Variants in ASB16 observed in about 807,000 individuals in gnomAD.
ASB16 encodes the protein ankyrin repeat and SOCS box protein 16.
In ASB16, 44 loss-of-function variants were observed where a neutral mutation model predicts 39.1. The observed-to-expected ratio is 1.13, with a 90% confidence interval of 0.88 to 1.45. ASB16 has a LOEUF of 1.45. Ranked by LOEUF, ASB16 falls within the 40% of genes most tolerant of loss-of-function variation. ASB16 has a pLI of 0.00. For synonymous variants in ASB16, 305 were observed against 286.7 expected (o/e 1.06, Z -0.64); for missense variants, 698 against 634.5 (o/e 1.10, Z -1.07).
chr17:44,176,737 G>C lies in ASB16; in HGVS notation c.570-1G>C, dbSNP rs1321349632. On this transcript the variant is annotated splice_acceptor_variant, in intron 2 of 4. Transcript: ENST00000293414. LOFTEE classifies it high-confidence loss of function. ...TCAGGACCTTGCTCTCTTGTCCCCA[G>C]GTGCGCCAAGTTGCTGCTGGAAGCA... 1 of 1,613,840 alleles carries C rather than the reference G, an allele frequency of 6.2e-7. No homozygotes were observed. The highest frequency in any genetic ancestry group is 1.3e-5 in the African/African-American group (1 of 74,854).
intron 2 of ASB16, among the ~76,000 whole-genome samples, chr17:44,173,844 G>A (rs563903224): frequency 7.2e-5 from 11 of 152,010 alleles, no homozygotes; most frequent in Non-Finnish European, 1.6e-4. Context: ...GTATGGGGGT[G>A]CCTCACACCG....
In ASB16 at chr17:44,178,226, T is replaced by C. The variant is rs1275743563; in HGVS notation, c.1198T>C (p.Ser400Pro). The change falls in exon 5 of 5, where the codon TCG becomes CCG. Residue 400 changes from serine to proline, a missense_variant. Ser to Pro is a moderately conservative substitution (Grantham distance 74). Transcript: ENST00000293414. The part of the protein sequence containing the change: ...LWKEHEAFYS[S>P]ALCMVNQPRQ... ...CTAGGAGCACGAAGCCTTCTACAGC[T>C]CGGCCCTGTGCATGGTGAACCAGCC... The C allele has an allele frequency of 6.2e-7, 1 of 1,613,364 alleles. No homozygotes were observed.
At chr17:44,172,349 A>ATGTGTGTG (rs10628218) in intron 2 of ASB16, 36 bp downstream of exon 2, 1 of 1,569,720 alleles carries the variant, frequency 6.4e-7, no homozygotes, top group Non-Finnish European at 8.6e-7. Flanking sequence ...TTGGGGAGAA[A>ATGTGTGTG]TGTGTGTGTG....
At chr17:44,175,796 C>A (rs2054282947) in intron 2 of ASB16, among the ~76,000 whole-genome samples, 1 of 152,174 alleles carries the variant, frequency 6.6e-6, no homozygotes, top group South Asian at 2.1e-4. Context: ...AACTGGGAAA[C>A]ATGCACTCTT....
At chr17:44,176,617 TG>T (rs1273189772) in intron 2 of ASB16, 120 bp from the exon 3 acceptor site, 3 of 1,411,320 alleles carry the variant, frequency 2.1e-6, no homozygotes, top group Non-Finnish European at 3.0e-6. Context: ...ATGATTCTCA[TG>T]GAGGACACCA....
At chr17:44,177,516 A>C (rs2054315784) in intron 3 of ASB16, 93 bp from the exon 4 acceptor site, 3 of 1,479,838 alleles carry the variant, frequency 2.0e-6, no homozygotes. Flanking sequence ...AGCCCCCCAG[A>C]TTAGGCTAGG....
chr17:44,178,338 C>T lies in ASB16; in HGVS notation c.1310C>T (p.Pro437Leu), dbSNP rs746789447. 10 of 1,611,468 alleles carry T rather than the reference C, an allele frequency of 6.2e-6. No individual in the cohort carries two copies. Among genetic ancestry groups the T allele is most frequent in the Non-Finnish European group, 8.5e-6 (10 of 1,179,088 alleles). Reference sequence around the variant, plus strand: ...CAGGGTGCCACCCGGCTGCCACTGCCCCCGCTCCTCAGGGACTACCTGCTG... The same window carrying T: ...CAGGGTGCCACCCGGCTGCCACTGCTCCCGCTCCTCAGGGACTACCTGCTG... Reference protein sequence around the residue: ...CRQGATRLPLPPLLRDYLLLR... With the variant: ...CRQGATRLPLLPLLRDYLLLR... Residue 437 changes from proline (P) to leucine (L), a missense_variant, in exon 5 of 5, where the codon CCC (proline) becomes CTC (leucine). Physicochemically the swap from Pro to Leu is moderately conservative, Grantham distance 98. Coordinates refer to ENST00000293414, the MANE Select transcript of ASB16 (RefSeq NM_080863.5).
At position 44,172,266 on chromosome 17, in the gene ASB16, G is replaced by A. The variant is rs2054249582; in HGVS notation, c.522G>A (p.Glu174=). Residue 174 remains glutamate (E), a synonymous_variant, in exon 2 of 5, where the codon GAG becomes GAA. Transcript: ENST00000293414. ...GAGCCAAGGCTAATGTGCTGACTGA[G>A]GAGGGCACGACTCCTTTGCACCTCT... The part of the protein sequence containing the change: ...TFGAKANVLT[E]EGTTPLHLCT... 2 of 1,613,680 alleles carry A rather than the reference G, an allele frequency of 1.2e-6. No homozygotes were observed. The highest frequency in any genetic ancestry group is 1.3e-5 in the African/African-American group (1 of 74,930).
At chr17:44,176,178 A>T (rs2054286817) in intron 2 of ASB16, 1 of 158,822 alleles carries the variant, frequency 6.3e-6, no homozygotes, top group Non-Finnish European at 1.4e-5. Context: ...AAATGGTAAG[A>T]CCCTGTCTCT....
At position 44,176,766 on chromosome 17, in the gene ASB16, G is replaced by A. The variant is rs145786587; in HGVS notation, c.598G>A (p.Ala200Thr). Residue 200 changes from alanine to threonine, a missense_variant, in exon 3 of 5, where the codon GCG (alanine) becomes ACG (threonine). Coordinates refer to ENST00000293414, the MANE Select transcript of ASB16 (RefSeq NM_080863.5). ...QCAKLLLEAG[A>T]TVNLAAGESQ... ...CGCCAAGTTGCTGCTGGAAGCAGGA[G>A]CGACGGTGAACCTGGCAGCAGGCGA... 1.9e-4 allele frequency: 302 copies of A among 1,613,918 alleles called. No individual in the cohort carries two copies. The highest frequency in any genetic ancestry group is 2.3e-4 in the Non-Finnish European group (267 of 1,179,948).
chr17:44,170,891 G>C lies in ASB16; in HGVS notation c.102G>C (p.Gln34His). ...EWEDRRRAAA[Q>H]QCRSRRCPSS... ...AGGACCGGCGGCGGGCGGCTGCCCAGCAGTGCCGGAGCCGCAGGTGCCCGT... is the reference window on the plus strand; with the variant it reads ...AGGACCGGCGGCGGGCGGCTGCCCACCAGTGCCGGAGCCGCAGGTGCCCGT... The change falls in exon 1 of 5, where the codon CAG (glutamine) becomes CAC (histidine). Residue 34 changes from glutamine (Q) to histidine (H), a missense_variant. Transcript: ENST00000293414. 6.2e-7 allele frequency: 1 copy of C among 1,611,906 alleles called. No homozygotes were observed. The highest frequency in any genetic ancestry group is 8.5e-7 in the Non-Finnish European group (1 of 1,179,678).
chr17:44,170,736 C>A lies in ASB16; in HGVS notation c.-54C>A, dbSNP rs905098190. 6.6e-7 allele frequency: 1 copy of A among 1,521,750 alleles called. No homozygotes were observed. Among genetic ancestry groups the A allele is most frequent in the South Asian group, 1.3e-5 (1 of 76,570 alleles). The allele number at this position is 1,521,750 out of a possible 1,614,324, so 94.3% of individuals were successfully genotyped here. On this transcript the variant is annotated 5_prime_UTR_variant, in exon 1 of 5. Coordinates refer to ENST00000293414, the MANE Select transcript of ASB16 (RefSeq NM_080863.5). ...CTCAGAGCAAGGGAGGTAGTCGGGT[C>A]GAGGGAACCTGGCTCTGCCCAGGTG...
At chr17:44,175,160 G>A (rs1180155149) in intron 2 of ASB16, among the ~76,000 whole-genome samples, 2 of 149,818 alleles carry the variant, frequency 1.3e-5, no homozygotes, top group Non-Finnish European at 3.0e-5. Context: ...AGCACTTTGG[G>A]AGGCCGAGGT....
chr17:44,171,988 C>T, intron 1 of ASB16, 58 bp from the exon 2 acceptor site: 1 of 1,544,846 alleles, frequency 6.5e-7, no homozygotes, highest in Non-Finnish European at 8.8e-7. Context: ...CCAGCATCCC[C>T]ACTCCCTGCC....
chr17:44,177,125 G>T lies in ASB16; in HGVS notation c.957G>T (p.Thr319=). Reference sequence around the variant, plus strand: ...AGGTCCCCAATGGGGCGGGCCACACGCCCATGGACTGTGCGCTGCAGGCCG... The same window carrying T: ...AGGTCCCCAATGGGGCGGGCCACACTCCCATGGACTGTGCGCTGCAGGCCG... The part of the protein sequence containing the change: ...RAEVPNGAGH[T]PMDCALQAVQ... The change falls in exon 3 of 5, where the codon ACG becomes ACT. Residue 319 remains threonine (T), a synonymous_variant. Transcript: ENST00000293414. 1.3e-6 allele frequency: 2 copies of T among 1,488,630 alleles called. No homozygotes were observed. Among genetic ancestry groups the T allele is most frequent in the Non-Finnish European group, 1.8e-6 (2 of 1,125,588 alleles). 92.2% of individuals were successfully genotyped at this position (1,488,630 alleles called of 1,614,324 possible). A position where few individuals can be genotyped will look rare whatever the true frequency, so the allele number is the denominator to read the frequency against.
At position 44,178,495 on chromosome 17, in the gene ASB16, C is replaced by A. The variant is rs1382797976; in HGVS notation, c.*105C>A. ...GCCCTCTTTTCTTTTCTTTTTGAGA[C>A]CTAGTCTCACTCTGTTGCCCAGGCT... On this transcript the variant is annotated 3_prime_UTR_variant, in exon 5 of 5. Transcript: ENST00000293414. 1.1e-5 allele frequency: 13 copies of A among 1,230,940 alleles called. No individual in the cohort carries two copies. The highest frequency in any genetic ancestry group is 1.4e-5 in the Non-Finnish European group (13 of 899,092). The allele number at this position is 1,230,940 out of a possible 1,614,324, so 76.3% of individuals were successfully genotyped here.
rs1204575413 is a variant in ASB16 at position 44,176,815 on chromosome 17, T to TGGC, written c.655_657dup (p.Ala219dup). ...GAGAGCCAGGAGACGCCCCTGCACG[T>TGGC]GGCGGCGGCGCGCGGCCTGGAGCAA... On this transcript the variant is annotated inframe_insertion, in exon 3 of 5. Coordinates refer to ENST00000293414, the MANE Select transcript of ASB16 (RefSeq NM_080863.5). The TGGC allele has an allele frequency of 2.5e-6, 4 of 1,612,596 alleles. No homozygotes were observed. Among genetic ancestry groups the TGGC allele is most frequent in the South Asian group, 1.1e-5 (1 of 91,020 alleles).
At chr17:44,176,544 A>G in intron 2 of ASB16, 194 bp from the exon 3 acceptor site, 1 of 811,054 alleles carries the variant, frequency 1.2e-6, no homozygotes, top group Non-Finnish European at 2.1e-6. Context: ...TTCATATGAA[A>G]ACTGAAGATG....
Position 44,178,189 on chromosome 17 carries a change from T to C in ASB16, c.1177-16T>C. The C allele has an allele frequency of 1.2e-6, 2 of 1,611,774 alleles. No homozygotes were observed. Among genetic ancestry groups the C allele is most frequent in the Non-Finnish European group, 1.7e-6 (2 of 1,179,938 alleles). On this transcript the variant is annotated splice_polypyrimidine_tract_variant and intron_variant, in intron 4 of 4. Coordinates refer to ENST00000293414, the MANE Select transcript of ASB16 (RefSeq NM_080863.5). ...TAGGGCAAGGGTCATCTGACCTTCT[T>C]TCACTCCTGGCCTAGGAGCACGAAG... is the stretch of plus-strand genomic sequence containing the variant.
Sources: gnomAD v4.1 joint callset for allele counts (sites outside exome capture counted in the v4.1 genomes callset) on GRCh38, gnomAD v4.1.1 for gene constraint, MANE v1.5 for transcripts, NCBI Gene and HGNC (gene_info 2026-07-23, HGNC 2026-07-21) for gene names.